TMPO: variants seen among roughly 807,000 people sequenced by gnomAD.
TMPO encodes the protein LEM domain containing 4.
TMPO carries 22 observed loss-of-function variants against 45.4 expected under a neutral mutation model. The observed-to-expected ratio is 0.48, with a 90% CI of 0.35 to 0.69. TMPO has a LOEUF of 0.69. Among genes scored for constraint, TMPO ranks in the 30% least tolerant of loss-of-function variants. The pLI is 0.01. For missense variants in TMPO, 512 were observed against 548.8 expected (o/e 0.93, Z 0.67); for synonymous variants, 241 against 204.1 (o/e 1.18, Z -1.54).
At chr12:98,516,272 G>GC (rs1875806339) in intron 1 of TMPO, 126 bp downstream of exon 1, 1 of 1,251,150 alleles carries the variant, frequency 8.0e-7, no homozygotes, top group East Asian at 3.3e-5. Flanking sequence ...CTGTCCCTGC[G>GC]CCCCCTCGCG....
chr12:98,520,804 T>A (rs1226077651), intron 1 of TMPO, among the ~76,000 whole-genome samples: 1 of 144,402 alleles, frequency 6.9e-6, no homozygotes, highest in Admixed American at 6.8e-5. Context: ...TATCTCCTGA[T>A]CTGGTGATCT....
intron 1 of TMPO, among the ~76,000 whole-genome samples, chr12:98,525,227 A>T (rs933185218): frequency 2.0e-5 from 3 of 152,174 alleles, no homozygotes; most frequent in African/African-American, 7.2e-5. Flanking sequence ...TCCAGATATG[A>T]GCCTGACAGT....
intron 1 of TMPO, 117 bp downstream of exon 1, chr12:98,516,263 TG>T: frequency 7.9e-7 from 1 of 1,268,178 alleles, no homozygotes; most frequent in Non-Finnish European, 9.9e-7. Flanking sequence ...GGTGCGGGGC[TG>T]TCCCTGCGCC....
intron 1 of TMPO, among the ~76,000 whole-genome samples, chr12:98,526,902 G>A (rs978769982): frequency 6.6e-6 from 1 of 151,804 alleles, no homozygotes; most frequent in African/African-American, 2.4e-5. Context: ...AGGTTGCAGT[G>A]AGCCAAGATT....
chr12:98,533,140 T>C lies in TMPO; in HGVS notation c.565+1302T>C, dbSNP rs1244496132. On this transcript the variant is annotated intron_variant, in intron 3 of 8. Transcript: ENST00000556029. ...GTGTTTAGAGAAAAGTTCTTCGTCA[T>C]CTTCTCAGCCTGAACACAGTGCCAT... 2 of 1,614,182 alleles carry C rather than the reference T, an allele frequency of 1.2e-6. No individual in the cohort carries two copies. The highest frequency in any genetic ancestry group is 4.5e-5 in the East Asian group (2 of 44,882).
In TMPO at chr12:98,528,022, T is replaced by G. The variant is rs747499343; in HGVS notation, c.406+10T>G. 1.2e-6 allele frequency: 2 copies of G among 1,613,812 alleles called. No homozygotes were observed. The highest frequency in any genetic ancestry group is 1.7e-6 in the Non-Finnish European group (2 of 1,179,858). The stretch of plus-strand genomic sequence containing the variant: ...CCTGGTCCTATTGTGGGTAAGTTGA[T>G]AAAATTTCAAATACAGTATCTTTTC... On this transcript the variant is annotated intron_variant, in intron 2 of 8. Coordinates refer to ENST00000556029, the MANE Select transcript of TMPO (RefSeq NM_001032283.3).
chr12:98,529,599 C>G (rs1487593437), intron 2 of TMPO, among the ~76,000 whole-genome samples: 1 of 151,220 alleles, frequency 6.6e-6, no homozygotes, highest in Admixed American at 6.6e-5. Context: ...GGTCTTTGCT[C>G]TGTTGTCCAC....
At chr12:98,518,868 A>C (rs1484413236) in intron 1 of TMPO, among the ~76,000 whole-genome samples, 1 of 150,672 alleles carries the variant, frequency 6.6e-6, no homozygotes, top group Non-Finnish European at 1.5e-5. Context: ...CATGTAAATA[A>C]GTTTTGAGTA....
intron 1 of TMPO, among the ~76,000 whole-genome samples, chr12:98,517,295 TG>T (rs1875930209): frequency 6.6e-6 from 1 of 152,244 alleles, no homozygotes; most frequent in Non-Finnish European, 1.5e-5. Flanking sequence ...CAGCAAAGCA[TG>T]TTTTGTTTCA....
At chr12:98,527,050 T>A (rs1876817468) in intron 1 of TMPO, among the ~76,000 whole-genome samples, 1 of 152,158 alleles carries the variant, frequency 6.6e-6, no homozygotes. Flanking sequence ...TGGATTAATT[T>A]AAATTTTTAA....
chr12:98,538,321 A>C (rs755541766), intron 4 of TMPO, among the ~76,000 whole-genome samples: 1 of 152,062 alleles, frequency 6.6e-6, no homozygotes, highest in African/African-American at 2.4e-5. Flanking sequence ...TGATTTGTCT[A>C]GTTGGTTATC....
chr12:98,531,118 G>A (rs772962109), intron 2 of TMPO, among the ~76,000 whole-genome samples: 1 of 151,658 alleles, frequency 6.6e-6, no homozygotes, highest in Non-Finnish European at 1.5e-5. Flanking sequence ...TTTTGTATTT[G>A]TGGTAGAGAC....
At position 98,518,633 on chromosome 12, in the gene TMPO, T is replaced by G. The variant is rs149433058; in HGVS notation, c.279+2487T>G. Among the ~76,000 whole-genome samples the G allele has an allele frequency of 2.6e-5, 4 of 152,184 alleles. No homozygotes were observed. The East Asian group carries it at 7.7e-4, about 29-fold the overall frequency. On this transcript the variant is annotated intron_variant, in intron 1 of 8. Transcript: ENST00000556029. Reference sequence around the variant, plus strand: ...AACCATCTCAGTTTTAATGTTTTCCTATCAGCCACTTGGTAAAAGAGAGTT... The same window carrying G: ...AACCATCTCAGTTTTAATGTTTTCCGATCAGCCACTTGGTAAAAGAGAGTT...
intron 1 of TMPO, among the ~76,000 whole-genome samples, chr12:98,521,138 C>T (rs1255182534): frequency 5.2e-5 from 4 of 77,242 alleles, no homozygotes; most frequent in East Asian, 3.1e-4. Flanking sequence ...GACGGAGTGT[C>T]GCTCTGTCAC....
Position 98,534,269 on chromosome 12 carries a change from C to G in TMPO, c.565+2431C>G, listed in dbSNP as rs1435432542. On this transcript the variant is annotated intron_variant, in intron 3 of 8. Transcript: ENST00000556029. ...GCTTCTAAGAATAAGCTGGCTTCCA[C>G]TCCCTTTAAAGGTGGAACATTATTT... The G allele has an allele frequency of 1.2e-6, 2 of 1,613,462 alleles. No homozygotes were observed. Among genetic ancestry groups the G allele is most frequent in the Admixed American group, 1.7e-5 (1 of 60,000 alleles).
intron 1 of TMPO, 81 bp from the exon 2 acceptor site, chr12:98,527,805 C>G: frequency 6.5e-7 from 1 of 1,538,220 alleles, no homozygotes; most frequent in Non-Finnish European, 8.9e-7. Flanking sequence ...AGTGAGTTTG[C>G]ATGTTTATGT....
intron 4 of TMPO, 85 bp downstream of exon 4, chr12:98,537,657 C>A: frequency 2.0e-6 from 2 of 999,874 alleles, no homozygotes; most frequent in Non-Finnish European, 1.6e-6. Context: ...TAATGGTTGA[C>A]ACCCAGATTC....
Position 98,533,694 on chromosome 12 carries a change from A to G in TMPO, c.565+1856A>G. On this transcript the variant is annotated intron_variant, in intron 3 of 8. Coordinates refer to ENST00000556029, the MANE Select transcript of TMPO (RefSeq NM_001032283.3). ...CCTTAGGTCTAGAAGTGGCTAAGCA[A>G]TCACAGCATGATAAAATAGATGCCT... 3.1e-6 allele frequency: 5 copies of G among 1,614,190 alleles called. No individual in the cohort carries two copies. Among genetic ancestry groups the G allele is most frequent in the Non-Finnish European group, 4.2e-6 (5 of 1,180,038 alleles).
intron 1 of TMPO, among the ~76,000 whole-genome samples, chr12:98,524,325 G>A (rs1290992049): frequency 6.6e-6 from 1 of 152,178 alleles, no homozygotes; most frequent in Admixed American, 6.5e-5. Flanking sequence ...TGTAATCCCA[G>A]CACTTTGGAA....
Sources: allele counts gnomAD v4.1 joint callset (sites outside exome capture counted in the v4.1 genomes callset), GRCh38; gene constraint gnomAD v4.1.1; transcripts MANE v1.5; gene names NCBI Gene and HGNC (gene_info 2026-07-23, HGNC 2026-07-21).